Variants in SERINC5 observed in about 807,000 individuals in gnomAD.
SERINC5 encodes chromosome 5 open reading frame 12.
In SERINC5, 41 loss-of-function variants were observed where a neutral mutation model predicts 63.1. The ratio of observed to expected loss-of-function variants is 0.65; its 90% CI spans 0.51 to 0.84. SERINC5 has a LOEUF of 0.84. Ranked by LOEUF, SERINC5 falls within the 40% of genes least tolerant of loss-of-function variation. The pLI, the probability that SERINC5 is intolerant of heterozygous loss-of-function variation, is 0.00. For missense variants in SERINC5, 523 were observed against 573.0 expected (o/e 0.91, Z 0.89); for synonymous variants, 222 against 215.2 (o/e 1.03, Z -0.28).
intron 2 of SERINC5, among the ~76,000 whole-genome samples, chr5:80,191,445 C>T (rs1449970672): frequency 2.8e-5 from 4 of 145,434 alleles, no homozygotes; most frequent in Admixed American, 7.0e-5. Context: ...GAGTTTGAGA[C>T]CAGCCTGGGC....
intron 1 of SERINC5, among the ~76,000 whole-genome samples, chr5:80,234,662 A>G (rs1751605101): frequency 6.6e-6 from 1 of 152,180 alleles, no homozygotes; most frequent in Non-Finnish European, 1.5e-5. Context: ...CCCCAACGTT[A>G]TCCCCTACCC....
chr5:80,232,637 A>G (rs1751501033), intron 1 of SERINC5, among the ~76,000 whole-genome samples: 1 of 152,130 alleles, frequency 6.6e-6, no homozygotes, highest in African/African-American at 2.4e-5. Flanking sequence ...TATGAAAATT[A>G]GCTGGGCATA....
intron 7 of SERINC5, among the ~76,000 whole-genome samples, chr5:80,165,387 A>G (rs1054022727): frequency 9.2e-5 from 14 of 152,206 alleles, no homozygotes; most frequent in African/African-American, 2.9e-4. Flanking sequence ...CTTAGACACT[A>G]CATTTATTTG....
intron 1 of SERINC5, among the ~76,000 whole-genome samples, chr5:80,242,933 A>C (rs935348333): frequency 6.6e-6 from 1 of 152,176 alleles, no homozygotes; most frequent in African/African-American, 2.4e-5. Context: ...AAAATGTTAC[A>C]CATTGTTACA....
At chr5:80,207,834 T>C (rs1750245264) in intron 1 of SERINC5, among the ~76,000 whole-genome samples, 1 of 152,228 alleles carries the variant, frequency 6.6e-6, no homozygotes, top group South Asian at 2.1e-4. Context: ...CACATTGATA[T>C]ATATACCAGG....
intron 8 of SERINC5, chr5:80,158,460 T>C (rs1746675211): frequency 1.6e-5 from 3 of 192,986 alleles, no homozygotes; most frequent in Admixed American, 5.3e-5. Context: ...TGGCACATTC[T>C]ATCTCTTCTT....
chr5:80,119,056 C>T (rs906107629), intron 11 of SERINC5, among the ~76,000 whole-genome samples: 2 of 152,094 alleles, frequency 1.3e-5, no homozygotes, highest in African/African-American at 2.4e-5. Flanking sequence ...ATACCAGCCC[C>T]ACCATCACTC....
chr5:80,243,789 C>A (rs984619200), intron 1 of SERINC5, among the ~76,000 whole-genome samples: 1 of 125,648 alleles, frequency 8.0e-6, no homozygotes, highest in Non-Finnish European at 1.7e-5. Context: ...ATAAATAAAA[C>A]AAAATAAAAT....
chr5:80,229,862 A>G (rs1006093195), intron 1 of SERINC5, among the ~76,000 whole-genome samples: 2 of 152,232 alleles, frequency 1.3e-5, no homozygotes, highest in Non-Finnish European at 2.9e-5. Context: ...TAGTTCCTAC[A>G]TCATAGGATT....
chr5:80,150,017 T>G (rs1746065466), intron 9 of SERINC5, among the ~76,000 whole-genome samples: 1 of 152,186 alleles, frequency 6.6e-6, no homozygotes, highest in African/African-American at 2.4e-5. Flanking sequence ...AGGCAACCAA[T>G]GTATGTATTG....
At chr5:80,245,541 C>G (rs1752131721) in intron 1 of SERINC5, among the ~76,000 whole-genome samples, 3 of 152,174 alleles carry the variant, frequency 2.0e-5, no homozygotes, top group Admixed American at 2.0e-4. Flanking sequence ...AAGTCACTCC[C>G]AAGCACAAGC....
rs373257434 is a variant in SERINC5 at position 80,147,311 on chromosome 5, C to T, written c.1054-27G>A. 5.7e-5 allele frequency: 91 copies of T among 1,600,930 alleles called. No individual in the cohort carries two copies. In the Middle Eastern group the frequency reaches 6.6e-4, roughly 12 times the overall value. Reference sequence around the variant, plus strand: ...TGTGAAAGCAAAAGCAACAGTCAGGCGGCTTGTGTTCTATTTCTAGTCCAC... The same window carrying T: ...TGTGAAAGCAAAAGCAACAGTCAGGTGGCTTGTGTTCTATTTCTAGTCCAC... On this transcript the variant is annotated intron_variant, in intron 9 of 11. Transcript: ENST00000507668.
intron 2 of SERINC5, among the ~76,000 whole-genome samples, chr5:80,188,227 G>A (rs189797810): frequency 6.8e-6 from 1 of 146,872 alleles, no homozygotes; most frequent in East Asian, 2.0e-4. Flanking sequence ...GGTTTGCAGT[G>A]CGCTGAGATC....
chr5:80,132,389 ATC>A (rs1344696512), intron 11 of SERINC5, among the ~76,000 whole-genome samples: 1 of 152,162 alleles, frequency 6.6e-6, no homozygotes, highest in Non-Finnish European at 1.5e-5. Context: ...TTAGCTAATC[ATC>A]TGTTAGCTTA....
chr5:80,191,002 T>C (rs1175744986), intron 2 of SERINC5, among the ~76,000 whole-genome samples: 1 of 152,044 alleles, frequency 6.6e-6, no homozygotes. Flanking sequence ...GAGGCCATTG[T>C]TTTTGACTCC....
chr5:80,255,655 C>G (rs368896103), intron 1 of SERINC5, among the ~76,000 whole-genome samples: 28 of 152,224 alleles, frequency 1.8e-4, no homozygotes, highest in African/African-American at 6.5e-4. Flanking sequence ...CACGCGGAGT[C>G]CCGGAGGCCG....
intron 2 of SERINC5, among the ~76,000 whole-genome samples, chr5:80,197,943 G>A (rs976753472): frequency 3.3e-5 from 5 of 152,018 alleles, no homozygotes; most frequent in Admixed American, 2.6e-4. Flanking sequence ...GGATTCAAGC[G>A]ATTCTCCTGC....
intron 1 of SERINC5, among the ~76,000 whole-genome samples, chr5:80,232,812 C>T (rs1427765644): frequency 6.6e-6 from 1 of 151,976 alleles, no homozygotes; most frequent in Non-Finnish European, 1.5e-5. Flanking sequence ...GAATGAAGTA[C>T]TGACACGTGC....
At chr5:80,239,602 C>T (rs1490925301) in intron 1 of SERINC5, among the ~76,000 whole-genome samples, 1 of 151,684 alleles carries the variant, frequency 6.6e-6, no homozygotes, top group African/African-American at 2.4e-5. Flanking sequence ...TGGATTCTTA[C>T]AATCAGAAAC....
Sources: gnomAD v4.1 joint callset for allele counts (sites outside exome capture counted in the v4.1 genomes callset) on GRCh38, gnomAD v4.1.1 for gene constraint, MANE v1.5 for transcripts, NCBI Gene and HGNC (gene_info 2026-07-23, HGNC 2026-07-21) for gene names.